Variants in LINGO1 observed in about 807,000 individuals in gnomAD.
LINGO1 encodes leucine rich repeat and Ig domain containing 1.
A neutral mutation model predicts 37.3 loss-of-function variants in LINGO1; 11 were observed. The ratio of observed to expected loss-of-function variants is 0.29; its 90% CI spans 0.19 to 0.49. LINGO1 has a LOEUF of 0.49. LINGO1 is among the 20% of genes least tolerant of loss of function. The pLI, the probability that LINGO1 is intolerant of heterozygous loss-of-function variation, is 0.99. For synonymous variants in LINGO1, 387 were observed against 403.0 expected (o/e 0.96, Z 0.48); for missense variants, 585 against 878.2 (o/e 0.67, Z 4.22).
At chr15:77,661,815 A>G (rs2075000246) in intron 3 of LINGO1, among the ~76,000 whole-genome samples, 2 of 152,142 alleles carry the variant, frequency 1.3e-5, no homozygotes, top group African/African-American at 4.8e-5. Flanking sequence ...CCAGCCCTCT[A>G]CCTTTGCTGG....
At chr15:77,712,415 C>T (rs947798590) in intron 2 of LINGO1, among the ~76,000 whole-genome samples, 1 of 152,162 alleles carries the variant, frequency 6.6e-6, no homozygotes, top group East Asian at 1.9e-4. Context: ...GCCCCCCTCC[C>T]CCTAAGCAGT....
Position 77,718,407 on chromosome 15 carries a change from TAC to T in LINGO1, c.-195+16583_-195+16584del, listed in dbSNP as rs539301438. Among the ~76,000 whole-genome samples the T allele has an allele frequency of 3.6e-3, 541 of 151,096 alleles. 32 individuals are homozygous for T. The highest frequency in any genetic ancestry group is 6.1e-3 in the Non-Finnish European group (413 of 67,624). On this transcript the variant is annotated intron_variant, in intron 2 of 3. Transcript: ENST00000561686. ...GATATGCACACAGCGCCCACATGTA[TAC>T]ACACACGTGTCAACATGCACACCTG...
intron 1 of LINGO1, among the ~76,000 whole-genome samples, chr15:77,800,318 T>A (rs1326807215): frequency 6.6e-6 from 1 of 152,120 alleles, no homozygotes; most frequent in South Asian, 2.1e-4. Context: ...GTTACTGCTG[T>A]CTGATGGGAA....
intron 3 of LINGO1, chr15:77,652,378 T>C (rs2074776483): frequency 6.6e-6 from 1 of 152,112 alleles, no homozygotes; most frequent in South Asian, 2.1e-4. Context: ...CTCTGGGGCT[T>C]CCAGGGACAT....
intron 3 of LINGO1, among the ~76,000 whole-genome samples, chr15:77,669,200 C>T (rs1244969875): frequency 6.6e-6 from 1 of 152,248 alleles, no homozygotes; most frequent in East Asian, 1.9e-4. Context: ...CCTGCTCCCA[C>T]CAGGGGCCAG....
chr15:77,668,261 AT>A (rs1179556289), intron 3 of LINGO1, among the ~76,000 whole-genome samples: 1 of 152,172 alleles, frequency 6.6e-6, no homozygotes, highest in Non-Finnish European at 1.5e-5. Context: ...TGAAGCAAAT[AT>A]CCTCCCAACC....
At chr15:77,771,141 G>C (rs1482028835) in intron 1 of LINGO1, among the ~76,000 whole-genome samples, 1 of 152,224 alleles carries the variant, frequency 6.6e-6, no homozygotes, top group Non-Finnish European at 1.5e-5. Context: ...TGAACCCGCA[G>C]CTCTTAAGGT....
At chr15:77,668,653 T>A (rs1177766944) in intron 3 of LINGO1, among the ~76,000 whole-genome samples, 3 of 152,090 alleles carry the variant, frequency 2.0e-5, no homozygotes, top group African/African-American at 7.2e-5. Context: ...CATGACAGTG[T>A]GCAGAGACTA....
At chr15:77,640,063 C>A (rs139675698) in intron 3 of LINGO1, among the ~76,000 whole-genome samples, 1 of 152,322 alleles carries the variant, frequency 6.6e-6, no homozygotes, top group Non-Finnish European at 1.5e-5. Flanking sequence ...GGGAGATATT[C>A]CTGGGCTTTC....
intron 1 of LINGO1, among the ~76,000 whole-genome samples, chr15:77,800,114 T>C (rs992827376): frequency 1.3e-5 from 2 of 152,172 alleles, no homozygotes; most frequent in Admixed American, 6.5e-5. Flanking sequence ...GGACTAGGAT[T>C]GGCTCAGAGC....
rs545500469 is a variant in LINGO1, at chr15:77,765,704, T to C, written c.-257+21165A>G. ...CTGGGTGGAGAGTGGGGACCCATACTGAAAACTGAAGGAGTAGTTGAGTTT... is the reference window on the plus strand; with the variant it reads ...CTGGGTGGAGAGTGGGGACCCATACCGAAAACTGAAGGAGTAGTTGAGTTT... On this transcript the variant is annotated intron_variant, in intron 1 of 3. Coordinates refer to the LINGO1 transcript ENST00000561686. Among the ~76,000 whole-genome samples, 143 of 152,110 alleles carry C rather than the reference T, an allele frequency of 9.4e-4. 2 individuals are homozygous for C. The highest frequency in any genetic ancestry group is 1.5e-3 in the Non-Finnish European group (100 of 68,012).
intron 1 of LINGO1, among the ~76,000 whole-genome samples, chr15:77,630,400 GAAC>G (rs1176872976): frequency 2.0e-5 from 3 of 152,192 alleles, no homozygotes; most frequent in Admixed American, 2.0e-4. Flanking sequence ...GCCTCATGCA[GAAC>G]AACCACCCAC....
At chr15:77,664,944 C>A (rs1225060094) in intron 3 of LINGO1, among the ~76,000 whole-genome samples, 1 of 152,174 alleles carries the variant, frequency 6.6e-6, no homozygotes, top group African/African-American at 2.4e-5. Flanking sequence ...CAGCTGTACA[C>A]ATATGACACA....
At chr15:77,697,225 G>A (rs1330358059), upstream of LINGO1, among the ~76,000 whole-genome samples, 2 of 152,230 alleles carry the variant, frequency 1.3e-5, no homozygotes, top group Non-Finnish European at 2.9e-5. Flanking sequence ...GGGCAGAACT[G>A]ACCTGTACGT....
chr15:77,642,050 G>A, intron 3 of LINGO1: 2 of 451,490 alleles, frequency 4.4e-6, no homozygotes, highest in Non-Finnish European at 8.9e-6. Flanking sequence ...GGTTCTAAGA[G>A]CATATGCGTG....
At chr15:77,772,110 C>T (rs527997230) in intron 1 of LINGO1, among the ~76,000 whole-genome samples, 1 of 152,338 alleles carries the variant, frequency 6.6e-6, no homozygotes, top group Admixed American at 6.5e-5. Context: ...CTTGGGCCTC[C>T]TCCCAGGCCA....
chr15:77,682,277 AGTGTGTGTGTGTGTGTGT>A (rs10581838), intron 2 of LINGO1, among the ~76,000 whole-genome samples: 1 of 139,832 alleles, frequency 7.2e-6, no homozygotes. Flanking sequence ...TAGAGATTAA[AGTGTGTGTGTGTGTGTGT>A]GTGTGTGTGT....
intron 1 of LINGO1, among the ~76,000 whole-genome samples, chr15:77,819,700 C>T (rs891754995): frequency 1.3e-5 from 2 of 151,086 alleles, no homozygotes; most frequent in African/African-American, 4.8e-5. Flanking sequence ...TGGGCCCCTC[C>T]GGGACCCGCC....
At chr15:77,719,917 T>A (rs2141310089) in intron 2 of LINGO1, among the ~76,000 whole-genome samples, 1 of 149,956 alleles carries the variant, frequency 6.7e-6, no homozygotes, top group East Asian at 2.1e-4. Flanking sequence ...TGAGACAGAT[T>A]CTGCCTCTGA....
Sources: gnomAD v4.1 joint callset for allele counts (sites outside exome capture counted in the v4.1 genomes callset) on GRCh38, gnomAD v4.1.1 for gene constraint, MANE v1.5 for transcripts, NCBI Gene and HGNC (gene_info 2026-07-23, HGNC 2026-07-21) for gene names.